The following NMBR variants were observed in gnomAD, a reference collection of about 807,000 sequenced individuals.
The protein encoded by NMBR is neuromedin B receptor.
A neutral mutation model predicts 20.5 loss-of-function variants in NMBR; 16 were observed. That is an observed-to-expected ratio of 0.78 (90% CI 0.53 to 1.19). The LOEUF is 1.19. Ranked by LOEUF, NMBR falls within the 50% of genes most tolerant of loss-of-function variation. NMBR has a pLI of 0.00. For missense variants in NMBR, 582 were observed against 499.1 expected, an observed-to-expected ratio of 1.17 and a Z score of -1.58; for synonymous variants, 212 against 196.6, an observed-to-expected ratio of 1.08 and a Z score of -0.65.
At chr6:142,146,039 G>A (rs970939727) in intron 1 of NMBR, among the ~76,000 whole-genome samples, 4 of 152,218 alleles carry the variant, frequency 2.6e-5, no homozygotes, top group African/African-American at 9.6e-5. Context: ...TGACTGGAAA[G>A]TCCAAATAGT....
At chr6:142,131,086 T>C (rs1693445954) in intron 1 of NMBR, among the ~76,000 whole-genome samples, 2 of 152,166 alleles carry the variant, frequency 1.3e-5, no homozygotes, top group African/African-American at 4.8e-5. Context: ...TATATTGATG[T>C]CATGTAGAAC....
intron 1 of NMBR, among the ~76,000 whole-genome samples, chr6:142,127,991 G>T (rs1197094675): frequency 6.6e-6 from 1 of 151,986 alleles, no homozygotes; most frequent in Non-Finnish European, 1.5e-5. Context: ...GTTTGAATTT[G>T]TGTTCTTGTC....
chr6:142,088,797 C>T lies in NMBR; in HGVS notation c.-139G>A. 1.4e-6 allele frequency: 1 copy of T among 727,364 alleles called. No individual in the cohort carries two copies. 45.1% of individuals were successfully genotyped at this position (727,364 alleles called of 1,614,324 possible). Reference sequence around the variant, plus strand: ...ACTGTCCGCGGGGCAAGCCTCACAGCACCACGTCCCTAAGAGTTCAGGACC... The same window carrying T: ...ACTGTCCGCGGGGCAAGCCTCACAGTACCACGTCCCTAAGAGTTCAGGACC... On this transcript the variant is annotated 5_prime_UTR_variant, in exon 2 of 4. Coordinates refer to ENST00000258042, the MANE Select transcript of NMBR (RefSeq NM_002511.4).
intron 1 of NMBR, among the ~76,000 whole-genome samples, chr6:142,124,545 GA>G (rs965556247): frequency 2.0e-5 from 3 of 151,880 alleles, no homozygotes; most frequent in South Asian, 2.1e-4. Flanking sequence ...TAAAGTAGGG[GA>G]AAAAATGCAC....
intron 1 of NMBR, among the ~76,000 whole-genome samples, chr6:142,099,831 A>G (rs1158456590): frequency 2.0e-5 from 3 of 152,238 alleles, no homozygotes; most frequent in Non-Finnish European, 4.4e-5. Flanking sequence ...ACAGCTCAAG[A>G]TATCAAAAAT....
intron 1 of NMBR, among the ~76,000 whole-genome samples, chr6:142,106,864 T>C (rs1337827728): frequency 2.0e-5 from 3 of 152,220 alleles, no homozygotes; most frequent in Non-Finnish European, 4.4e-5. Flanking sequence ...AACAAAGGTA[T>C]GGCTTGTGAT....
chr6:142,104,151 T>A (rs1042685626), intron 1 of NMBR, among the ~76,000 whole-genome samples: 1 of 152,170 alleles, frequency 6.6e-6, no homozygotes, highest in Non-Finnish European at 1.5e-5. Context: ...ATGCTGGGTT[T>A]AGAGGCATGA....
At position 142,075,952 on chromosome 6, in the gene NMBR, G is replaced by A. The variant is rs745827668; in HGVS notation, c.869C>T (p.Ser290Phe). 6.2e-7 allele frequency: 1 copy of A among 1,613,868 alleles called. No individual in the cohort carries two copies. The highest frequency in any genetic ancestry group is 1.7e-5 in the Admixed American group (1 of 59,986). Residue 290 changes from serine to phenylalanine, a missense_variant, in exon 4 of 4, where the codon TCT becomes TTT. Ser to Phe is a radical substitution (Grantham distance 155). Transcript: ENST00000258042. The part of the protein sequence containing the change: ...FPNHILYMYR[S>F]FNYNEIDPSL... ...TGGATCAATCTCATTATAGTTGAAA[G>A]ACCGATACATGTAAAGGATGTGGTT...
At position 142,078,753 on chromosome 6, in the gene NMBR, A is replaced by T. The variant is rs923956095; in HGVS notation, c.573T>A (p.Asp191Glu). The T allele has an allele frequency of 3.7e-6, 6 of 1,613,924 alleles. No individual in the cohort carries two copies. The highest frequency in any genetic ancestry group is 5.1e-6 in the Non-Finnish European group (6 of 1,180,018). ...FSEVARISSL[D>E]NSSFTACIPY... is the part of the protein sequence containing the mutation. Reference sequence around the variant, plus strand: ...GGATACATGCTGTGAAGCTGCTATTATCCAAGCTACTGATGCGAGCCACTT... The same window carrying T: ...GGATACATGCTGTGAAGCTGCTATTTTCCAAGCTACTGATGCGAGCCACTT... The change falls in exon 3 of 4, where the codon GAT (aspartate) becomes GAA (glutamate). Residue 191 changes from aspartate (D) to glutamate (E), a missense_variant. By Grantham distance (45) the Asp-to-Glu change is conservative. Coordinates refer to ENST00000258042, the MANE Select transcript of NMBR (RefSeq NM_002511.4).
intron 1 of NMBR, among the ~76,000 whole-genome samples, chr6:142,098,334 C>A (rs1167945902): frequency 1.3e-5 from 2 of 151,848 alleles, no homozygotes; most frequent in Admixed American, 1.3e-4. Flanking sequence ...CTCATCAATG[C>A]AATAAGACAA....
At chr6:142,120,952 G>A (rs569156820) in intron 1 of NMBR, among the ~76,000 whole-genome samples, 105 of 151,970 alleles carry the variant, frequency 6.9e-4, no homozygotes, top group African/African-American at 2.4e-3. Flanking sequence ...CAAATTGAAG[G>A]TTGGTGTCAA....
chr6:142,083,189 T>C (rs954891354), intron 2 of NMBR, among the ~76,000 whole-genome samples: 7 of 152,212 alleles, frequency 4.6e-5, no homozygotes, highest in Non-Finnish European at 8.8e-5. Context: ...TCAAATAACA[T>C]TTATTTAACA....
intron 1 of NMBR, among the ~76,000 whole-genome samples, chr6:142,137,859 T>C (rs1778289251): frequency 6.6e-6 from 1 of 152,156 alleles, no homozygotes; most frequent in Non-Finnish European, 1.5e-5. Context: ...TTGATCATGG[T>C]GGATATTCAA....
chr6:142,078,312 T>G (rs535050250), intron 3 of NMBR, among the ~76,000 whole-genome samples: 1 of 152,364 alleles, frequency 6.6e-6, no homozygotes, highest in African/African-American at 2.4e-5. Flanking sequence ...CATTAATTTC[T>G]AATGGTGGAA....
At chr6:142,133,420 T>C (rs1778181964) in intron 1 of NMBR, among the ~76,000 whole-genome samples, 1 of 152,164 alleles carries the variant, frequency 6.6e-6, no homozygotes, top group Non-Finnish European at 1.5e-5. Flanking sequence ...CTCAATTCCC[T>C]AATTAAGAAG....
At position 142,147,079 on chromosome 6, in the gene NMBR, G is replaced by T. The variant is rs537083760; in HGVS notation, c.-699C>A. 1.1e-4 allele frequency: 62 copies of T among 567,538 alleles called. No individual in the cohort carries two copies. The Admixed American group carries it at 1.5e-3, about 13-fold the overall frequency. 35.2% of individuals were successfully genotyped at this position (567,538 alleles called of 1,614,324 possible). A position where few individuals can be genotyped will look rare whatever the true frequency, so the allele number is the denominator to read the frequency against. On this transcript the variant is annotated 5_prime_UTR_variant, in exon 1 of 4. Coordinates refer to ENST00000258042, the MANE Select transcript of NMBR (RefSeq NM_002511.4). ...CGCTAGCGCCATGCGCGGCATAAGC[G>T]CCAAAATGCTCGGGTCTTCTGTGGG...
intron 1 of NMBR, among the ~76,000 whole-genome samples, chr6:142,135,859 T>A (rs1456057693): frequency 6.6e-5 from 10 of 151,562 alleles, no homozygotes. Context: ...TATTCCATGG[T>A]GTATATGTGC....
At chr6:142,129,419 T>C (rs1778101093) in intron 1 of NMBR, among the ~76,000 whole-genome samples, 1 of 152,086 alleles carries the variant, frequency 6.6e-6, no homozygotes, top group Non-Finnish European at 1.5e-5. Context: ...ATTTTAAAAA[T>C]TTTAGGGCTA....
chr6:142,125,469 G>GCATATACACATATACATGTGCATC, intron 1 of NMBR, among the ~76,000 whole-genome samples: 1 of 151,846 alleles, frequency 6.6e-6, no homozygotes, highest in Non-Finnish European at 1.5e-5. Context: ...ACATGTGCAT[G>GCATATACACATATACATGTGCATC]CATATACACA....
Sources: gnomAD v4.1 joint callset for allele counts (sites outside exome capture counted in the v4.1 genomes callset) on GRCh38, gnomAD v4.1.1 for gene constraint, MANE v1.5 for transcripts, NCBI Gene and HGNC (gene_info 2026-07-23, HGNC 2026-07-21) for gene names.